The following DPY19L4 variants were observed in gnomAD, a reference collection of about 807,000 sequenced individuals.
DPY19L4 encodes dpy-19 like 4, also known as probable C-mannosyltransferase DPY19L4.
A neutral mutation model predicts 102.8 loss-of-function variants in DPY19L4; 97 were observed. That is an observed-to-expected ratio of 0.94 (90% CI 0.80 to 1.12). The LOEUF (loss-of-function observed/expected upper bound fraction) is 1.12, where lower values mean the gene tolerates loss of function less well. Ranked by LOEUF, DPY19L4 falls within the 50% of genes most tolerant of loss-of-function variation. DPY19L4 has a pLI of 0.00. For missense variants in DPY19L4, 815 were observed against 850.4 expected (o/e 0.96, Z 0.52); for synonymous variants, 252 against 283.1 (o/e 0.89, Z 1.10).
intron 7 of DPY19L4, among the ~76,000 whole-genome samples, chr8:94,758,851 C>T (rs1812277955): frequency 6.6e-6 from 1 of 151,862 alleles, no homozygotes; most frequent in South Asian, 2.1e-4. Flanking sequence ...TACCATGTAT[C>T]GGCCTCCCTA....
intron 1 of DPY19L4, among the ~76,000 whole-genome samples, chr8:94,724,656 TC>T (rs1175496478): frequency 1.3e-5 from 2 of 148,736 alleles, no homozygotes; most frequent in Non-Finnish European, 3.0e-5. Flanking sequence ...TAGCGCGATC[TC>T]GGGTCACTGC....
At position 94,761,764 on chromosome 8, in the gene DPY19L4, A is replaced by G. The variant is rs1812402561; in HGVS notation, c.800A>G (p.His267Arg). 3.1e-6 allele frequency: 5 copies of G among 1,612,306 alleles called. No individual in the cohort carries two copies. In the East Asian group the frequency reaches 8.9e-5, roughly 29 times the overall value. ...TTTATGATGATGTGGGAGTATAGCC[A>G]CTATCTCCTGTTTCTTCAAGCAATA... ...YTFMMMWEYS[H>R]YLLFLQAISL... Residue 267 changes from histidine (H) to arginine (R), a missense_variant, in exon 8 of 19, where the codon CAC becomes CGC. Transcript: ENST00000414645.
intron 7 of DPY19L4, among the ~76,000 whole-genome samples, chr8:94,760,919 CA>C (rs1303629395): frequency 2.6e-5 from 4 of 152,090 alleles, no homozygotes; most frequent in African/African-American, 9.7e-5. Context: ...TAGTATTTAG[CA>C]GAGGAAAACA....
chr8:94,728,153 G>A (rs974598765), intron 2 of DPY19L4, among the ~76,000 whole-genome samples: 3 of 152,124 alleles, frequency 2.0e-5, no homozygotes, highest in African/African-American at 7.2e-5. Context: ...GTAGAAACGG[G>A]GTTTCACCAT....
intron 6 of DPY19L4, among the ~76,000 whole-genome samples, chr8:94,745,369 A>G (rs962735456): frequency 1.3e-5 from 2 of 152,180 alleles, no homozygotes; most frequent in African/African-American, 4.8e-5. Context: ...CTACAAATAC[A>G]TACCTAGGTT....
intron 3 of DPY19L4, among the ~76,000 whole-genome samples, chr8:94,738,043 G>T (rs929103489): frequency 4.0e-5 from 6 of 151,746 alleles, no homozygotes; most frequent in Admixed American, 1.3e-4. Flanking sequence ...TTAAGTCTGG[G>T]CGTGGTGGCT....
chr8:94,787,265 G>A (rs1357763750), intron 17 of DPY19L4, among the ~76,000 whole-genome samples: 1 of 152,072 alleles, frequency 6.6e-6, no homozygotes, highest in African/African-American at 2.4e-5. Flanking sequence ...CTATGAATAG[G>A]TATAGGCTAG....
At chr8:94,726,472 C>A in intron 2 of DPY19L4, 31 bp downstream of exon 2, 1 of 1,530,200 alleles carries the variant, frequency 6.5e-7, no homozygotes, top group Non-Finnish European at 8.9e-7. Flanking sequence ...ATTTGTGCTA[C>A]TACAAAAATA....
chr8:94,746,806 C>T (rs183013484), intron 6 of DPY19L4, among the ~76,000 whole-genome samples: 3 of 151,994 alleles, frequency 2.0e-5, no homozygotes, highest in African/African-American at 7.2e-5. Flanking sequence ...GATATTTTAC[C>T]GAAACCAAAT....
At chr8:94,731,480 G>A (rs1419378305) in intron 2 of DPY19L4, among the ~76,000 whole-genome samples, 2 of 152,150 alleles carry the variant, frequency 1.3e-5, no homozygotes, top group Non-Finnish European at 2.9e-5. Context: ...GCACTGGTGT[G>A]ATCTCAGCTC....
At chr8:94,745,451 T>C (rs1355042984) in intron 6 of DPY19L4, among the ~76,000 whole-genome samples, 1 of 152,210 alleles carries the variant, frequency 6.6e-6, no homozygotes, top group East Asian at 1.9e-4. Flanking sequence ...CTGTATTAAA[T>C]TTAATCTTTG....
At chr8:94,768,046 T>C (rs1309930779) in intron 11 of DPY19L4, among the ~76,000 whole-genome samples, 1 of 152,192 alleles carries the variant, frequency 6.6e-6, no homozygotes, top group Non-Finnish European at 1.5e-5. Flanking sequence ...GCTACCATAT[T>C]CAACAATGCA....
intron 17 of DPY19L4, among the ~76,000 whole-genome samples, chr8:94,786,089 GAACTCC>G (rs1813638189): frequency 6.6e-6 from 1 of 152,124 alleles, no homozygotes; most frequent in African/African-American, 2.4e-5. Context: ...AATCCAAACT[GAACTCC>G]ATAAATGAGA....
chr8:94,781,461 T>A (rs1450654944), intron 16 of DPY19L4, among the ~76,000 whole-genome samples: 2 of 152,202 alleles, frequency 1.3e-5, no homozygotes, highest in African/African-American at 4.8e-5. Flanking sequence ...CTCAAGAGGA[T>A]GCTTATTTTG....
chr8:94,761,655 T>C, intron 7 of DPY19L4, 45 bp from the exon 8 acceptor site: 1 of 1,521,666 alleles, frequency 6.6e-7, no homozygotes, highest in Admixed American at 2.1e-5. Context: ...GCTTTTATTG[T>C]AATAAAGTTA....
At chr8:94,751,960 G>A (rs915065861) in intron 6 of DPY19L4, among the ~76,000 whole-genome samples, 4 of 152,088 alleles carry the variant, frequency 2.6e-5, no homozygotes, top group Non-Finnish European at 4.4e-5. Flanking sequence ...TTATCACTAA[G>A]TTCTATTACA....
intron 3 of DPY19L4, among the ~76,000 whole-genome samples, chr8:94,735,472 A>G (rs1186200148): frequency 6.6e-6 from 1 of 152,168 alleles, no homozygotes; most frequent in African/African-American, 2.4e-5. Context: ...AGCATATATT[A>G]TTTCCCTGAA....
chr8:94,778,675 T>C (rs1345913970), intron 14 of DPY19L4, among the ~76,000 whole-genome samples: 1 of 152,096 alleles, frequency 6.6e-6, no homozygotes, highest in Non-Finnish European at 1.5e-5. Flanking sequence ...TTCTTTCTTT[T>C]TTTTTTCTTT....
intron 6 of DPY19L4, among the ~76,000 whole-genome samples, chr8:94,751,796 G>C (rs1416109683): frequency 2.6e-5 from 4 of 152,050 alleles, no homozygotes. Context: ...AGCATAATTT[G>C]CTTTCAGTCT....
Sources: gnomAD v4.1 joint callset for allele counts (sites outside exome capture counted in the v4.1 genomes callset) on GRCh38, gnomAD v4.1.1 for gene constraint, MANE v1.5 for transcripts, NCBI Gene and HGNC (gene_info 2026-07-23, HGNC 2026-07-21) for gene names.